NPIPB6: variants seen among roughly 807,000 people sequenced by gnomAD.
NPIPB6 encodes the protein nuclear pore complex interacting protein family member B6, also known as nuclear pore complex-interacting protein family member B6.
Under a neutral mutation model 20.0 loss-of-function variants are expected in NPIPB6, and 2 were observed. That is an observed-to-expected ratio of 0.10 (90% CI 0.04 to 0.31). The LOEUF is 0.31. Among genes scored for constraint, NPIPB6 ranks in the 10% least tolerant of loss-of-function variants. NPIPB6 has a pLI of 1.00. For missense variants in NPIPB6, 96 were observed against 293.7 expected (o/e 0.33, Z 4.92); for synonymous variants, 35 against 116.3 (o/e 0.30, Z 4.50).
exon 7 of NPIPB6, chr16:28,342,578 T>A: frequency 7.3e-7 from 1 of 1,375,078 alleles, no homozygotes; most frequent in Non-Finnish European, 1.0e-6. Flanking sequence ...GGTTTTGTTT[T>A]GTTTTTTGAT....
rs1326152914 is a variant in NPIPB6 at position 28,351,684 on chromosome 16, A to G, written c.303+1195T>C. Among the ~76,000 whole-genome samples, 404 of 120,644 alleles carry G rather than the reference A, an allele frequency of 3.3e-3. 4 individuals are homozygous for G. Among genetic ancestry groups the G allele is most frequent in the African/African-American group, 9.9e-3 (345 of 34,674 alleles). The allele number at this position is 120,644 out of a possible 152,430, so 79.1% of individuals were successfully genotyped here. On this transcript the variant is annotated intron_variant, in intron 2 of 6. Transcript: ENST00000532254. Reference sequence around the variant, plus strand: ...AAAAAAAAAAAAAAAGCTTCCTCCAATTTATACCGAAAATTCTCTGTTCAG... The same window carrying G: ...AAAAAAAAAAAAAAAGCTTCCTCCAGTTTATACCGAAAATTCTCTGTTCAG...
chr16:28,361,950 ATGT>A (rs1317704338), intron 1 of NPIPB6, among the ~76,000 whole-genome samples: 605 of 150,072 alleles, frequency 4.0e-3, no homozygotes, highest in African/African-American at 0.014. Flanking sequence ...TATGTATTAC[ATGT>A]TGTAAAATAA....
chr16:28,349,589 ACACAC>A (rs1416293916), intron 2 of NPIPB6, among the ~76,000 whole-genome samples: 30 of 98,892 alleles, frequency 3.0e-4, no homozygotes, highest in Admixed American at 5.9e-4. Flanking sequence ...ACACACACAC[ACACAC>A]AAGAATGACA....
Position 28,361,760 on chromosome 16 carries a change from G to A in NPIPB6, c.120+943C>T, listed in dbSNP as rs1463908856. 7.7e-3 allele frequency among the ~76,000 whole-genome samples: 630 copies of A among 82,316 alleles called. 4 individuals are homozygous for A. In the East Asian group the frequency reaches 0.095, roughly 12 times the overall value. The allele number at this position is 82,316 out of a possible 152,430, so 54.0% of individuals were successfully genotyped here. A position where few individuals can be genotyped will look rare whatever the true frequency, so the allele number is the denominator to read the frequency against. The stretch of plus-strand genomic sequence containing the variant: ...TGTGTGTGTGTGTGTGTGTGTGTGT[G>A]TGTGTGTGTATGTGTGTGTGTGTGT... On this transcript the variant is annotated intron_variant, in intron 1 of 6. Transcript: ENST00000532254.
At chr16:28,359,070 G>C (rs2045370740) in intron 1 of NPIPB6, among the ~76,000 whole-genome samples, 1 of 120,754 alleles carries the variant, frequency 8.3e-6, no homozygotes, top group Non-Finnish European at 1.7e-5. Flanking sequence ...TAACAGAATG[G>C]AATGAGACTC....
chr16:28,350,212 A>G (rs1231242828), intron 2 of NPIPB6, among the ~76,000 whole-genome samples: 1 of 109,360 alleles, frequency 9.1e-6, no homozygotes, highest in Non-Finnish European at 2.0e-5. Flanking sequence ...AAAAAAAAAA[A>G]AATGACATGA....
intron 1 of NPIPB6, chr16:28,356,431 GC>G (rs1213597196): frequency 6.0e-6 from 1 of 165,778 alleles, no homozygotes; most frequent in Non-Finnish European, 1.2e-5. Context: ...GCCCACCTCG[GC>G]CCCCTAAAGT....
chr16:28,342,599 T>C (rs1313251862), exon 7 of NPIPB6: 2 of 1,475,550 alleles, frequency 1.4e-6, no homozygotes, highest in African/African-American at 2.8e-5. Context: ...TTTTTTCTTT[T>C]TTTCGACCTA....
intron 2 of NPIPB6, among the ~76,000 whole-genome samples, chr16:28,349,594 C>G (rs1298444234): frequency 2.5e-5 from 2 of 78,758 alleles, no homozygotes; most frequent in East Asian, 3.3e-4. Context: ...CACACACACA[C>G]AAGAATGACA....
exon 7 of NPIPB6, chr16:28,342,568 GGTTTT>G (rs1449901172): frequency 1.9e-4 from 239 of 1,255,290 alleles, no homozygotes; most frequent in Middle Eastern, 8.2e-4. Context: ...TTGGAGCGTG[GGTTTT>G]GTTTTGTTTT....
chr16:28,348,570 T>A, intron 4 of NPIPB6, among the ~76,000 whole-genome samples: 1 of 109,120 alleles, frequency 9.2e-6, no homozygotes, highest in Non-Finnish European at 2.0e-5. Flanking sequence ...AAGCTCCATC[T>A]CAGGAAAAAA....
In NPIPB6 at chr16:28,355,800, G is replaced by C. The variant is rs973804193; in HGVS notation, c.121-2739C>G. 2.5e-5 allele frequency among the ~76,000 whole-genome samples: 3 copies of C among 121,444 alleles called. 1 individual carries two copies. Among genetic ancestry groups the C allele is most frequent in the African/African-American group, 8.5e-5 (3 of 35,180 alleles). 79.7% of individuals were successfully genotyped at this position (121,444 alleles called of 152,430 possible). A position where few individuals can be genotyped will look rare whatever the true frequency, so the allele number is the denominator to read the frequency against. On this transcript the variant is annotated intron_variant, in intron 1 of 6. Transcript: ENST00000532254. Reference sequence around the variant, plus strand: ...ATAAAATAATGTAGATCTTGAAAGGGGGTCGGTTTATGCTGGTGTAAGTAC... The same window carrying C: ...ATAAAATAATGTAGATCTTGAAAGGCGGTCGGTTTATGCTGGTGTAAGTAC...
At chr16:28,349,731 A>T (rs1293539621) in intron 2 of NPIPB6, among the ~76,000 whole-genome samples, 1 of 110,452 alleles carries the variant, frequency 9.1e-6, no homozygotes, top group African/African-American at 3.1e-5. Flanking sequence ...TCTGCTAAAA[A>T]TACAAAATTA....
intron 2 of NPIPB6, among the ~76,000 whole-genome samples, chr16:28,349,549 A>T (rs762075190): frequency 0.061 from 1,876 of 30,546 alleles, no homozygotes; most frequent in Middle Eastern, 0.089. Context: ...AGACTCTGTC[A>T]CACACACACA....
intron 2 of NPIPB6, among the ~76,000 whole-genome samples, chr16:28,349,953 C>T (rs1182015263): frequency 9.8e-6 from 1 of 102,024 alleles, no homozygotes; most frequent in Non-Finnish European, 2.2e-5. Flanking sequence ...AATCCCAGCA[C>T]TTTGGGAGGC....
chr16:28,349,596 A>AC (rs1567230360), intron 2 of NPIPB6, among the ~76,000 whole-genome samples: 2 of 88,542 alleles, frequency 2.3e-5, no homozygotes, highest in South Asian at 3.8e-4. Flanking sequence ...CACACACACA[A>AC]GAATGACATG....
intron 2 of NPIPB6, among the ~76,000 whole-genome samples, chr16:28,349,889 C>CAA (rs1178858068): frequency 9.2e-3 from 151 of 16,482 alleles, no homozygotes; most frequent in Middle Eastern, 0.042. Context: ...AACTCTGTCT[C>CAA]AAAAAAAAAA....
chr16:28,343,052 G>C (rs770575577), exon 7 of NPIPB6: 1 of 1,455,956 alleles, frequency 6.9e-7, no homozygotes, highest in African/African-American at 1.4e-5. Flanking sequence ...GAGGCTCAGG[G>C]AGTTATCAGT....
At chr16:28,349,476 G>C (rs2045167129) in intron 2 of NPIPB6, among the ~76,000 whole-genome samples, 1 of 99,692 alleles carries the variant, frequency 1.0e-5, no homozygotes, top group Non-Finnish European at 2.2e-5. Context: ...ATTTGAAGCT[G>C]GGAGGCGGAG....
Sources: allele counts gnomAD v4.1 joint callset (sites outside exome capture counted in the v4.1 genomes callset), GRCh38; gene constraint gnomAD v4.1.1; transcripts MANE v1.5; gene names NCBI Gene and HGNC (gene_info 2026-07-23, HGNC 2026-07-21).